The following VWA5B2 variants were observed in gnomAD, a reference collection of about 807,000 sequenced individuals.
The protein encoded by VWA5B2 is von Willebrand factor A domain-containing protein 5B2.
In VWA5B2, 93 loss-of-function variants were observed where a neutral mutation model predicts 118.5. The ratio of observed to expected loss-of-function variants is 0.79; its 90% CI spans 0.66 to 0.93. VWA5B2 has a LOEUF of 0.93. Ranked by LOEUF, VWA5B2 falls within the 40% of genes least tolerant of loss-of-function variation. VWA5B2 has a pLI of 0.00. For synonymous variants in VWA5B2, 708 were observed against 716.3 expected, an observed-to-expected ratio of 0.99 and a Z score of 0.19; for missense variants, 1,546 against 1,672.8, an observed-to-expected ratio of 0.92 and a Z score of 1.32.
chr3:184,233,086 A>G lies in VWA5B2; in HGVS notation c.311-92A>G. 8.2e-7 allele frequency: 1 copy of G among 1,214,562 alleles called. No homozygotes were observed. The highest frequency in any genetic ancestry group is 1.5e-5 in the South Asian group (1 of 67,112). The allele number at this position is 1,214,562 out of a possible 1,614,324, so 75.2% of individuals were successfully genotyped here. On this transcript the variant is annotated intron_variant, in intron 3 of 19. Transcript: ENST00000691901. This position sits in a 1 kb window ranked among gnomAD's most constrained non-coding sequence, Gnocchi z 5.2. Reference sequence around the variant, plus strand: ...CCAACACGCAAAGTCCCCCTTGCCCAGGCTCCCTGACCCAATGCCTGCTTC... The same window carrying G: ...CCAACACGCAAAGTCCCCCTTGCCCGGGCTCCCTGACCCAATGCCTGCTTC...
chr3:184,233,869 G>A lies in VWA5B2; in HGVS notation c.688+136G>A, dbSNP rs1382977842. The A allele has an allele frequency of 8.0e-6, 10 of 1,246,894 alleles. No individual in the cohort carries two copies. Among genetic ancestry groups the A allele is most frequent in the Non-Finnish European group, 9.8e-6 (9 of 918,878 alleles). 77.2% of individuals were successfully genotyped at this position (1,246,894 alleles called of 1,614,324 possible). On this transcript the variant is annotated intron_variant, in intron 5 of 19. Coordinates refer to ENST00000691901, the MANE Select transcript of VWA5B2 (RefSeq NM_001390846.1). The surrounding 1 kb of genome is among the most constrained non-coding windows in gnomAD (Gnocchi z 5.2). ...GGGACCCCAGCCTCCGGAACATCTG[G>A]GTTAGTGGTGGGAGCATCCCCTGGT...
intron 16 of VWA5B2, chr3:184,240,320 G>A (rs1432511266): frequency 1.5e-5 from 6 of 400,890 alleles, no homozygotes; most frequent in Non-Finnish European, 1.8e-5. Context: ...AGAGGGCAAC[G>A]TGATCCTGTC....
chr3:184,241,437 C>T lies in VWA5B2; in HGVS notation c.3180+33C>T. 2.6e-6 allele frequency: 4 copies of T among 1,567,530 alleles called. No homozygotes were observed. The highest frequency in any genetic ancestry group is 3.5e-6 in the Non-Finnish European group (4 of 1,154,858). On this transcript the variant is annotated intron_variant, in intron 19 of 19. Coordinates refer to ENST00000691901, the MANE Select transcript of VWA5B2 (RefSeq NM_001390846.1). This position sits in a 1 kb window ranked among gnomAD's most constrained non-coding sequence, Gnocchi z 5.1. ...CTCGGGAGGTGGAGGGTGGTGCCGC[C>T]GGGGCCGGGCGCTGTTTCAGCTCGC...
chr3:184,232,173 G>A (rs1717462819), intron 3 of VWA5B2, among the ~76,000 whole-genome samples: 1 of 152,056 alleles, frequency 6.6e-6, no homozygotes, highest in Non-Finnish European at 1.5e-5. Context: ...CTGTTATGGG[G>A]GATGAAAGTC....
rs577495278 is a variant in VWA5B2, at chr3:184,234,721, G to A, written c.911G>A (p.Arg304Lys). The A allele has an allele frequency of 9.6e-5, 149 of 1,551,526 alleles. No individual in the cohort carries two copies. In the African/African-American group the frequency reaches 1.8e-3, roughly 18 times the overall value. ...GTGAGGGCCCGCCGAGATTTTCAGA[G>A]GCTACAGCGAAGGGACAGTGATGGG... ...ARVRARRDFQ[R>K]LQRRDSDGDR... The change falls in exon 7 of 20, where the codon AGG becomes AAG. Residue 304 changes from arginine to lysine, a missense_variant. Arg to Lys is a conservative substitution (Grantham distance 26). This residue lies in a region of VWA5B2 where 775 missense variants were observed against 882.3 expected (regional missense o/e 0.88). Coordinates refer to ENST00000691901, the MANE Select transcript of VWA5B2 (RefSeq NM_001390846.1).
chr3:184,241,435 G>T lies in VWA5B2; in HGVS notation c.3180+31G>T. ...GACTCGGGAGGTGGAGGGTGGTGCCGCCGGGGCCGGGCGCTGTTTCAGCTC... is the reference window on the plus strand; with the variant it reads ...GACTCGGGAGGTGGAGGGTGGTGCCTCCGGGGCCGGGCGCTGTTTCAGCTC... On this transcript the variant is annotated intron_variant, in intron 19 of 19. Transcript: ENST00000691901. The surrounding 1 kb of genome is among the most constrained non-coding windows in gnomAD (Gnocchi z 5.1). The T allele has an allele frequency of 6.4e-7, 1 of 1,568,726 alleles. No individual in the cohort carries two copies. The highest frequency in any genetic ancestry group is 2.4e-5 in the East Asian group (1 of 42,496).
At position 184,239,503 on chromosome 3, in the gene VWA5B2, G is replaced by A. The variant is rs199885492; in HGVS notation, c.2312G>A (p.Arg771Gln). The stretch of plus-strand genomic sequence containing the variant: ...GCAAACCAAGTCCCCGGCCGACCCC[G>A]GAAACCCTCTTTGGGTGCAATACTA... Reference protein sequence around the residue: ...GRANQVPGRPRKPSLGAILDG... With the variant: ...GRANQVPGRPQKPSLGAILDG... The change falls in exon 15 of 20, where the codon CGG becomes CAG. Residue 771 changes from arginine (R) to glutamine (Q), a missense_variant. Around this residue, in one of 3 missense-constraint regions of VWA5B2, gnomAD observed 763 missense variants for 766.6 expected, o/e 1.00. Transcript: ENST00000691901. This position sits in a 1 kb window ranked among gnomAD's most constrained non-coding sequence, Gnocchi z 5.1. 441 of 1,549,834 alleles carry A rather than the reference G, an allele frequency of 2.8e-4. 1 individual carries two copies. In the African/African-American group the frequency reaches 3.1e-3, roughly 11 times the overall value.
At chr3:184,240,596 C>T (rs530773171) in intron 16 of VWA5B2, 195 bp from the exon 17 acceptor site, 83 of 750,386 alleles carry the variant, frequency 1.1e-4, no homozygotes, top group Non-Finnish European at 1.6e-4. Flanking sequence ...TCTTGCTCTG[C>T]TATGGGTTGA....
chr3:184,241,649 C>A lies in VWA5B2; in HGVS notation c.3340C>A (p.Pro1114Thr), dbSNP rs1214048854. The change falls in exon 20 of 20, where the codon CCT becomes ACT. Residue 1114 changes from proline (P) to threonine (T), a missense_variant. Coordinates refer to ENST00000691901, the MANE Select transcript of VWA5B2 (RefSeq NM_001390846.1). The surrounding 1 kb of genome is among the most constrained non-coding windows in gnomAD (Gnocchi z 5.1). Reference protein sequence around the residue: ...SASLPWALLGPGVGQGDSATA... With the variant: ...SASLPWALLGTGVGQGDSATA... ...CTCATTGCCCTGGGCACTTCTGGGC[C>A]CTGGTGTTGGCCAGGGTGACAGTGC... 6.5e-7 allele frequency: 1 copy of A among 1,537,866 alleles called. No individual in the cohort carries two copies. Among genetic ancestry groups the A allele is most frequent in the Non-Finnish European group, 8.7e-7 (1 of 1,145,318 alleles).
At position 184,241,581 on chromosome 3, in the gene VWA5B2, C is replaced by T. The variant is rs1718668896; in HGVS notation, c.3272C>T (p.Ser1091Leu). The change falls in exon 20 of 20, where the codon TCG becomes TTG. Residue 1091 changes from serine to leucine, a missense_variant. Around this residue, in one of 3 missense-constraint regions of VWA5B2, gnomAD observed 763 missense variants for 766.6 expected, o/e 1.00. Coordinates refer to ENST00000691901, the MANE Select transcript of VWA5B2 (RefSeq NM_001390846.1). This position sits in a 1 kb window ranked among gnomAD's most constrained non-coding sequence, Gnocchi z 5.1. The stretch of plus-strand genomic sequence containing the variant: ...TCGCAGGAGCGCCTCTGCCGTGCCT[C>T]GCCCTTTGCCGTGCACCGCGCCAGC... ...RISQERLCRA[S>L]PFAVHRASLS... The T allele has an allele frequency of 6.5e-7, 1 of 1,546,914 alleles. No homozygotes were observed. Among genetic ancestry groups the T allele is most frequent in the Non-Finnish European group, 8.7e-7 (1 of 1,146,708 alleles).
chr3:184,234,826 C>T, intron 7 of VWA5B2, 71 bp downstream of exon 7: 1 of 1,543,272 alleles, frequency 6.5e-7, no homozygotes, highest in Non-Finnish European at 8.7e-7. Context: ...GGCAAGCAGG[C>T]TTACATTGGA....
In VWA5B2 at chr3:184,230,698, G is replaced by C. The variant is rs555680606; in HGVS notation, c.139+31G>C. 978 of 1,227,854 alleles carry C rather than the reference G, an allele frequency of 8.0e-4. 5 individuals are homozygous for C. The African/African-American group carries it at 0.014, about 18-fold the overall frequency. 76.1% of individuals were successfully genotyped at this position (1,227,854 alleles called of 1,614,324 possible). On this transcript the variant is annotated intron_variant, in intron 2 of 19. Transcript: ENST00000691901. ...GCCCGGGTGGGGCGCGGGCGCGGCG[G>C]GGGGTGCGCCGGGCAGGGTCCGACG... is the stretch of plus-strand genomic sequence containing the variant.
At position 184,233,136 on chromosome 3, in the gene VWA5B2, C is replaced by A. The variant is rs747613476; in HGVS notation, c.311-42C>A. The A allele has an allele frequency of 2.8e-5, 43 of 1,519,740 alleles. No individual in the cohort carries two copies. The highest frequency in any genetic ancestry group is 1.3e-5 in the Non-Finnish European group (15 of 1,128,194). The allele number at this position is 1,519,740 out of a possible 1,614,324, so 94.1% of individuals were successfully genotyped here. On this transcript the variant is annotated intron_variant, in intron 3 of 19. Transcript: ENST00000691901. This position sits in a 1 kb window ranked among gnomAD's most constrained non-coding sequence, Gnocchi z 5.2. ...CCACATCTAGCTTCCTCCCTCTCCT[C>A]TGCTTCCAGCATGCTCTGACCCCAT...
chr3:184,230,386 C>T lies in VWA5B2; in HGVS notation c.-143C>T, dbSNP rs2108414152. On this transcript the variant is annotated 5_prime_UTR_variant, in exon 2 of 20. Coordinates refer to ENST00000691901, the MANE Select transcript of VWA5B2 (RefSeq NM_001390846.1). ...CGCCACCTGTCGCCCTCAGGAGCTC[C>T]CGCTCGGCCTCGCGCCCCGGCAGGC... 1 of 1,058,478 alleles carries T rather than the reference C, an allele frequency of 9.4e-7. No individual in the cohort carries two copies. Among genetic ancestry groups the T allele is most frequent in the East Asian group, 3.3e-5 (1 of 29,918 alleles). The allele number at this position is 1,058,478 out of a possible 1,614,324, so 65.6% of individuals were successfully genotyped here.
chr3:184,233,208 G>C lies in VWA5B2; in HGVS notation c.341G>C (p.Arg114Pro). ...CTTGTCTTGGATCTGGCCCAGGCCC[G>C]GTCCACGTTGGTGCTGCCCACAGGC... is the stretch of plus-strand genomic sequence containing the variant. ...GHLVLDLAQA[R>P]STLVLPTGII... is the part of the protein sequence containing the mutation. Residue 114 changes from arginine (R) to proline (P), a missense_variant, in exon 4 of 20, where the codon CGG becomes CCG. This residue lies in a region of VWA5B2 where 775 missense variants were observed against 882.3 expected (regional missense o/e 0.88). Transcript: ENST00000691901. The surrounding 1 kb of genome is among the most constrained non-coding windows in gnomAD (Gnocchi z 5.2). 1 of 1,550,922 alleles carries C rather than the reference G, an allele frequency of 6.4e-7. No homozygotes were observed. The highest frequency in any genetic ancestry group is 8.7e-7 in the Non-Finnish European group (1 of 1,146,866).
Position 184,230,819 on chromosome 3 carries a change from T to G in VWA5B2, c.212T>G (p.Val71Gly). 1 of 1,254,550 alleles carries G rather than the reference T, an allele frequency of 8.0e-7. No individual in the cohort carries two copies. The highest frequency in any genetic ancestry group is 1.0e-6 in the Non-Finnish European group (1 of 999,986). The allele number at this position is 1,254,550 out of a possible 1,614,324, so 77.7% of individuals were successfully genotyped here. Residue 71 changes from valine to glycine, a missense_variant, in exon 3 of 20, where the codon GTC becomes GGC. Coordinates refer to ENST00000691901, the MANE Select transcript of VWA5B2 (RefSeq NM_001390846.1). ...GFEAEAAGRRVSFQLQSRRRS... is the reference protein window; with the variant it reads ...GFEAEAAGRRGSFQLQSRRRS... ...GAGGCCGAGGCCGCCGGACGGCGCG[T>G]CTCCTTCCAGCTGCAGAGCCGGCGC...
chr3:184,237,174 C>A lies in VWA5B2; in HGVS notation c.1534-52C>A. 1 of 1,528,410 alleles carries A rather than the reference C, an allele frequency of 6.5e-7. No homozygotes were observed. Among genetic ancestry groups the A allele is most frequent in the East Asian group, 2.5e-5 (1 of 40,628 alleles). The allele number at this position is 1,528,410 out of a possible 1,614,324, so 94.7% of individuals were successfully genotyped here. A position where few individuals can be genotyped will look rare whatever the true frequency, so the allele number is the denominator to read the frequency against. ...AGGGCAGCCTTCCTGCTCTGTCTGG[C>A]CGTATGACACCTCTTTCCTTCCCAT... On this transcript the variant is annotated intron_variant, in intron 11 of 19. Coordinates refer to ENST00000691901, the MANE Select transcript of VWA5B2 (RefSeq NM_001390846.1). The surrounding 1 kb of genome is among the most constrained non-coding windows in gnomAD (Gnocchi z 5.6).
In VWA5B2 at chr3:184,237,489, T is replaced by G; in HGVS notation, c.1719+78T>G. The G allele has an allele frequency of 1.4e-6, 2 of 1,397,204 alleles. No homozygotes were observed. The highest frequency in any genetic ancestry group is 1.9e-6 in the Non-Finnish European group (2 of 1,034,988). 86.6% of individuals were successfully genotyped at this position (1,397,204 alleles called of 1,614,324 possible). The stretch of plus-strand genomic sequence containing the variant: ...GGGATGGCTGAAGTCCCCGCATCTC[T>G]TCCAAACCCTTTTTCCATTCTCTGT... On this transcript the variant is annotated intron_variant, in intron 12 of 19. Transcript: ENST00000691901. The surrounding 1 kb of genome is among the most constrained non-coding windows in gnomAD (Gnocchi z 5.6).
rs543962442 is a variant in VWA5B2 at position 184,231,706 on chromosome 3, G to A, written c.310+789G>A. ...GCGAGTGCCCGGGGAAGGGACAGAA[G>A]CCCAGCCCTGTGCTGTGTGCTGTGC... On this transcript the variant is annotated intron_variant, in intron 3 of 19. Coordinates refer to ENST00000691901, the MANE Select transcript of VWA5B2 (RefSeq NM_001390846.1). 2.2e-3 allele frequency among the ~76,000 whole-genome samples: 340 copies of A among 152,352 alleles called. 4 individuals carry two copies. Among genetic ancestry groups the A allele is most frequent in the African/African-American group, 7.5e-3 (310 of 41,572 alleles).
Sources: gnomAD v4.1 joint callset for allele counts (sites outside exome capture counted in the v4.1 genomes callset) on GRCh38, gnomAD v4.1.1 for gene constraint, gnomAD v4.1.1 regional missense constraint, Gnocchi (gnomAD v3.1) non-coding constraint, MANE v1.5 for transcripts, NCBI Gene and HGNC (gene_info 2026-07-23, HGNC 2026-07-21) for gene names.